The following MPDZ variants were observed in gnomAD, a reference collection of about 807,000 sequenced individuals.
The protein encoded by MPDZ is multiple PDZ domain crumbs cell polarity complex component.
A neutral mutation model predicts 239.1 loss-of-function variants in MPDZ; 234 were observed. The observed-to-expected ratio is 0.98, with a 90% CI of 0.88 to 1.09. The LOEUF (loss-of-function observed/expected upper bound fraction) is 1.09, where lower values mean the gene tolerates loss of function less well. MPDZ is among the 50% of genes least tolerant of loss of function. The pLI, the probability that MPDZ is intolerant of heterozygous loss-of-function variation, is 0.00. For synonymous variants in MPDZ, 1,048 were observed against 881.3 expected (o/e 1.19, Z -3.35); for missense variants, 3,175 against 2,510.0 (o/e 1.26, Z -5.66).
intron 41 of MPDZ, 70 bp downstream of exon 41, chr9:13,113,861 T>C (rs1411538662): frequency 2.5e-6 from 3 of 1,202,514 alleles, no homozygotes; most frequent in African/African-American, 3.0e-5. Flanking sequence ...AGCTCAGAGG[T>C]AAACAAGACA....
intron 36 of MPDZ, 33 bp from the exon 37 acceptor site, chr9:13,122,203 T>C (rs766008334): frequency 3.8e-6 from 6 of 1,590,918 alleles, no homozygotes; most frequent in East Asian, 2.2e-5. Context: ...CCCATACTTA[T>C]CCCATTCTCC....
At chr9:13,225,050 C>T (rs1458296703) in intron 3 of MPDZ, among the ~76,000 whole-genome samples, 1 of 152,010 alleles carries the variant, frequency 6.6e-6, no homozygotes. Context: ...ATAGGCAGGG[C>T]AATCAATCAC....
intron 1 of MPDZ, among the ~76,000 whole-genome samples, chr9:13,272,871 C>G (rs1051255648): frequency 3.3e-5 from 5 of 152,072 alleles, no homozygotes; most frequent in African/African-American, 1.2e-4. Flanking sequence ...TTAGACAAAG[C>G]AAGACCTATT....
At chr9:13,232,235 G>A (rs1253596101) in intron 3 of MPDZ, among the ~76,000 whole-genome samples, 1 of 152,138 alleles carries the variant, frequency 6.6e-6, no homozygotes, top group Non-Finnish European at 1.5e-5. Flanking sequence ...TAGTAAGTTG[G>A]TGGATGTAAA....
intron 21 of MPDZ, among the ~76,000 whole-genome samples, chr9:13,174,194 A>C (rs1952156567): frequency 1.3e-5 from 2 of 152,296 alleles, no homozygotes; most frequent in East Asian, 1.9e-4. Flanking sequence ...GGGATTAGTT[A>C]TTCCCTCTTT....
intron 21 of MPDZ, 53 bp downstream of exon 21, chr9:13,175,699 C>T: frequency 1.3e-6 from 2 of 1,503,994 alleles, no homozygotes; most frequent in Non-Finnish European, 1.8e-6. Context: ...TTCAATATTT[C>T]CCCTTGTCAA....
chr9:13,148,329 T>C (rs1948701663), intron 25 of MPDZ, among the ~76,000 whole-genome samples: 1 of 152,026 alleles, frequency 6.6e-6, no homozygotes, highest in Admixed American at 6.6e-5. Context: ...ACTTTATGAA[T>C]AAGAAGGAAA....
At chr9:13,253,263 CTT>C (rs896391706) in intron 1 of MPDZ, among the ~76,000 whole-genome samples, 1 of 148,276 alleles carries the variant, frequency 6.7e-6, no homozygotes, top group African/African-American at 2.5e-5. Flanking sequence ...GAGCTCTACT[CTT>C]TTGTATTTCA....
At chr9:13,175,700 C>T in intron 21 of MPDZ, 52 bp downstream of exon 21, 1 of 1,505,228 alleles carries the variant, frequency 6.6e-7, no homozygotes, top group Non-Finnish European at 9.0e-7. Flanking sequence ...TCAATATTTC[C>T]CCTTGTCAAG....
chr9:13,229,006 A>G (rs557062804), intron 3 of MPDZ, among the ~76,000 whole-genome samples: 3 of 152,252 alleles, frequency 2.0e-5, no homozygotes, highest in African/African-American at 7.2e-5. Flanking sequence ...GCCTTCCAGA[A>G]GAAATGGACA....
At chr9:13,131,051 A>G (rs1396496061) in intron 32 of MPDZ, among the ~76,000 whole-genome samples, 1 of 152,236 alleles carries the variant, frequency 6.6e-6, no homozygotes, top group African/African-American at 2.4e-5. Flanking sequence ...AACAAATGTT[A>G]CATTACCATT....
At chr9:13,116,987 G>A (rs1943559127) in intron 39 of MPDZ, among the ~76,000 whole-genome samples, 2 of 152,018 alleles carry the variant, frequency 1.3e-5, no homozygotes, top group South Asian at 4.1e-4. Flanking sequence ...CCCCGCCAGT[G>A]GATGCCTGAC....
intron 1 of MPDZ, 101 bp downstream of exon 1, chr9:13,279,299 A>ACCCCCCCCCCCG (rs1564192602): frequency 1.8e-5 from 2 of 113,994 alleles, no homozygotes; most frequent in African/African-American, 3.2e-5. Flanking sequence ...CCCCACCCCC[A>ACCCCCCCCCCCG]AGCGCCGAGC....
At chr9:13,179,229 G>GCT (rs1952945260) in intron 19 of MPDZ, among the ~76,000 whole-genome samples, 1 of 152,042 alleles carries the variant, frequency 6.6e-6, no homozygotes, top group South Asian at 2.1e-4. Flanking sequence ...TAACCTGTTG[G>GCT]CTCCCTCACC....
chr9:13,245,862 G>C (rs908878421), intron 3 of MPDZ, among the ~76,000 whole-genome samples: 1 of 152,116 alleles, frequency 6.6e-6, no homozygotes, highest in East Asian at 1.9e-4. Flanking sequence ...CCTTTCATGA[G>C]ACACTGTATG....
intron 16 of MPDZ, 101 bp from the exon 17 acceptor site, chr9:13,189,094 G>T: frequency 3.0e-6 from 3 of 1,011,254 alleles, no homozygotes; most frequent in African/African-American, 1.6e-5. Context: ...TGTCTCAAGT[G>T]CCTTTAAAAA....
intron 43 of MPDZ, among the ~76,000 whole-genome samples, chr9:13,111,779 A>G (rs1317207763): frequency 6.6e-6 from 1 of 152,206 alleles, no homozygotes; most frequent in East Asian, 1.9e-4. Flanking sequence ...GAATTTCAAC[A>G]TATAAAAATA....
chr9:13,131,249 T>C (rs915646794), intron 32 of MPDZ, among the ~76,000 whole-genome samples: 2 of 152,148 alleles, frequency 1.3e-5, no homozygotes, highest in South Asian at 2.1e-4. Flanking sequence ...CTCAACATCA[T>C]TTGTAACAAT....
chr9:13,266,077 G>A (rs1331509574), intron 1 of MPDZ, among the ~76,000 whole-genome samples: 1 of 152,130 alleles, frequency 6.6e-6, no homozygotes, highest in Admixed American at 6.5e-5. Flanking sequence ...GAAGAGTGTT[G>A]TATATTGCAT....
Sources: allele counts gnomAD v4.1 joint callset (sites outside exome capture counted in the v4.1 genomes callset), GRCh38; gene constraint gnomAD v4.1.1; transcripts MANE v1.5; gene names NCBI Gene and HGNC (gene_info 2026-07-23, HGNC 2026-07-21).